Variants in MSR1 observed in about 807,000 individuals in gnomAD.
The protein encoded by MSR1 is macrophage scavenger receptor types I and II.
A neutral mutation model predicts 47.2 loss-of-function variants in MSR1; 53 were observed. The ratio of observed to expected loss-of-function variants is 1.12; its 90% CI spans 0.90 to 1.41. MSR1 has a LOEUF of 1.41. Among genes scored for constraint, MSR1 ranks in the 40% most tolerant of loss-of-function variants. The pLI is 0.00. For missense variants in MSR1, 786 were observed against 546.9 expected (o/e 1.44, Z -4.36); for synonymous variants, 239 against 185.6 (o/e 1.29, Z -2.34).
At chr8:16,138,105 T>G (rs1001135669) in intron 8 of MSR1, among the ~76,000 whole-genome samples, 2 of 152,150 alleles carry the variant, frequency 1.3e-5, no homozygotes, top group Non-Finnish European at 2.9e-5. Context: ...GAGTCCTTAG[T>G]AAAAATCAAA....
At chr8:16,122,573 T>C (rs1422239335) in intron 8 of MSR1, among the ~76,000 whole-genome samples, 1 of 152,172 alleles carries the variant, frequency 6.6e-6, no homozygotes, top group East Asian at 1.9e-4. Flanking sequence ...TTGCTTGTCC[T>C]GGAGCAGTGG....
chr8:16,115,273 A>C (rs1305390170), intron 9 of MSR1, among the ~76,000 whole-genome samples: 1 of 152,192 alleles, frequency 6.6e-6, no homozygotes, highest in Non-Finnish European at 1.5e-5. Flanking sequence ...GAGAAGGATA[A>C]ATAATTAAAA....
chr8:16,154,122 A>G (rs1800935739), intron 6 of MSR1, among the ~76,000 whole-genome samples: 3 of 151,836 alleles, frequency 2.0e-5, no homozygotes, highest in African/African-American at 7.2e-5. Context: ...CATGCTTCTC[A>G]TTTTCAAAAA....
intron 8 of MSR1, among the ~76,000 whole-genome samples, chr8:16,131,441 GTTTTTTTTT>G (rs56321577): frequency 1.8e-5 from 1 of 54,686 alleles, no homozygotes; most frequent in Non-Finnish European, 3.2e-5. Context: ...TCTGTTGATA[GTTTTTTTTT>G]TTTTTTTTTT....
In MSR1 at chr8:16,168,499, G is replaced by C. The variant is rs2117181825; in HGVS notation, c.589C>G (p.Leu197Val). 2 of 1,614,108 alleles carry C rather than the reference G, an allele frequency of 1.2e-6. No homozygotes were observed. The highest frequency in any genetic ancestry group is 1.3e-5 in the African/African-American group (1 of 75,034). The change falls in exon 4 of 10, where the codon CTG becomes GTG. Residue 197 changes from leucine (L) to valine (V), a missense_variant. By Grantham distance (32) the Leu-to-Val change is conservative (BLOSUM62 1). Transcript: ENST00000262101. ...LLDLQLNIENLNGKIQENTFK... is the reference protein window; with the variant it reads ...LLDLQLNIENVNGKIQENTFK... ...GTATTCTCTTGGATTTTGCCATTCA[G>C]ATTTTCTATGTTGAGCTGCAAATCA...
intron 1 of MSR1, among the ~76,000 whole-genome samples, chr8:16,191,974 C>G (rs932751996): frequency 2.0e-5 from 3 of 152,056 alleles, no homozygotes; most frequent in African/African-American, 7.2e-5. Flanking sequence ...ACTTAAGGTG[C>G]TAGTAATTAT....
At chr8:16,156,382 T>C (rs563002342) in intron 5 of MSR1, among the ~76,000 whole-genome samples, 2 of 151,994 alleles carry the variant, frequency 1.3e-5, no homozygotes, top group South Asian at 4.1e-4. Flanking sequence ...GATTATCTCA[T>C]GAATAAGTAT....
rs1799695476 is a variant in MSR1 at position 16,109,015 on chromosome 8, C to G, written c.*1070G>C. 6.6e-6 allele frequency: 1 copy of G among 152,020 alleles called. No individual in the cohort carries two copies. Among genetic ancestry groups the G allele is most frequent in the Admixed American group, 6.6e-5 (1 of 15,250 alleles). The allele number at this position is 152,020 out of a possible 1,614,324, so 9.4% of individuals were successfully genotyped here. ...TATCAACTGCTGGTCTTTCTGCAGGCAGTCACTTTCAGGGTAGAATTACTG... is the reference window on the plus strand; with the variant it reads ...TATCAACTGCTGGTCTTTCTGCAGGGAGTCACTTTCAGGGTAGAATTACTG... On this transcript the variant is annotated 3_prime_UTR_variant, in exon 10 of 10. Transcript: ENST00000262101.
chr8:16,150,129 T>G, intron 7 of MSR1, 102 bp downstream of exon 7: 2 of 174,122 alleles, frequency 1.1e-5, no homozygotes, highest in African/African-American at 4.2e-5. Context: ...TGTGTGTGTA[T>G]GTGTGTGTGT....
At chr8:16,181,640 G>A (rs1469383382) in intron 1 of MSR1, among the ~76,000 whole-genome samples, 12 of 151,912 alleles carry the variant, frequency 7.9e-5, no homozygotes, top group Admixed American at 7.9e-4. Context: ...CACACACTAG[G>A]GCCTGTCAGG....
At chr8:16,176,726 T>G (rs1302393669) in intron 2 of MSR1, among the ~76,000 whole-genome samples, 1 of 152,150 alleles carries the variant, frequency 6.6e-6, no homozygotes, top group African/African-American at 2.4e-5. Flanking sequence ...TTGCTTTTTC[T>G]CTGCTCCCGA....
chr8:16,111,148 TTA>T (rs1236005416), intron 9 of MSR1, among the ~76,000 whole-genome samples: 1 of 152,124 alleles, frequency 6.6e-6, no homozygotes, highest in Non-Finnish European at 1.5e-5. Context: ...CTGTGTTTCC[TTA>T]TAAGTATATA....
Position 16,166,007 on chromosome 8 carries a change from A to G in MSR1, c.631-1756T>C, listed in dbSNP as rs527908849. On this transcript the variant is annotated intron_variant, in intron 4 of 9. Transcript: ENST00000262101. ...CACACCGCCATGATAAATACACTTG[A>G]CTTAATTTAGGGGGCTAAAAATTGC... Among the ~76,000 whole-genome samples the G allele has an allele frequency of 2.0e-5, 3 of 152,194 alleles. No individual in the cohort carries two copies. The South Asian group carries it at 6.2e-4, about 32-fold the overall frequency.
chr8:16,168,567 T>A lies in MSR1; in HGVS notation c.521A>T (p.Asp174Val), dbSNP rs781729729. The A allele has an allele frequency of 6.2e-7, 1 of 1,614,170 alleles. No individual in the cohort carries two copies. The highest frequency in any genetic ancestry group is 1.1e-5 in the South Asian group (1 of 91,082). The change falls in exon 4 of 10, where the codon GAT becomes GTT. Residue 174 changes from aspartate (D) to valine (V), a missense_variant. Coordinates refer to ENST00000262101, the MANE Select transcript of MSR1 (RefSeq NM_138715.3). ...ACTTATTAAGGACTTGGAGATTTCA[T>A]CTATTGCATTCCCATGTCCCTGGAC... is the stretch of plus-strand genomic sequence containing the variant. ...SSVQGHGNAI[D>V]EISKSLISLN...
chr8:16,171,382 G>C (rs1801483129), intron 3 of MSR1, among the ~76,000 whole-genome samples: 1 of 151,816 alleles, frequency 6.6e-6, no homozygotes, highest in African/African-American at 2.4e-5. Context: ...TTTAATATTA[G>C]CTTATGTGAA....
intron 1 of MSR1, among the ~76,000 whole-genome samples, chr8:16,178,503 G>C (rs536591776): frequency 6.6e-6 from 1 of 152,012 alleles, no homozygotes; most frequent in African/African-American, 2.4e-5. Flanking sequence ...CCAGGCTATC[G>C]TTGGACATTT....
chr8:16,170,103 A>T (rs969661082), intron 3 of MSR1, among the ~76,000 whole-genome samples: 12 of 152,284 alleles, frequency 7.9e-5, no homozygotes, highest in African/African-American at 2.9e-4. Flanking sequence ...TAATCCCAGC[A>T]CTTTGGGAGG....
At chr8:16,125,865 C>T (rs1014042243) in intron 8 of MSR1, among the ~76,000 whole-genome samples, 1 of 152,036 alleles carries the variant, frequency 6.6e-6, no homozygotes, top group Non-Finnish European at 1.5e-5. Context: ...CTCCTGGGCT[C>T]AAGTGATCCT....
chr8:16,140,226 T>C (rs1469502413), intron 8 of MSR1: 1 of 984,774 alleles, frequency 1.0e-6, no homozygotes. Flanking sequence ...TTCTAGACTC[T>C]AGGTGAATGC....
Sources: gnomAD v4.1 joint callset for allele counts (sites outside exome capture counted in the v4.1 genomes callset) on GRCh38, gnomAD v4.1.1 for gene constraint, MANE v1.5 for transcripts, NCBI Gene and HGNC (gene_info 2026-07-23, HGNC 2026-07-21) for gene names.